The following HMGCLL1 variants were observed in gnomAD, a reference collection of about 807,000 sequenced individuals.
HMGCLL1 encodes 3-hydroxy-3-methylglutaryl-CoA lyase like 1.
HMGCLL1 carries 36 observed loss-of-function variants against 39.1 expected under a neutral mutation model. The ratio of observed to expected loss-of-function variants is 0.92; its 90% CI spans 0.71 to 1.22. The LOEUF (loss-of-function observed/expected upper bound fraction) is 1.22. Ranked by LOEUF, HMGCLL1 falls within the 50% of genes most tolerant of loss-of-function variation. The probability of loss-of-function intolerance (pLI) is 0.00; values close to 1 mark genes in which losing one functional copy is unlikely to be tolerated. For missense variants in HMGCLL1, 451 were observed against 416.5 expected, an observed-to-expected ratio of 1.08 and a Z score of -0.72; for synonymous variants, 149 against 144.0, an observed-to-expected ratio of 1.03 and a Z score of -0.25.
intron 1 of HMGCLL1, among the ~76,000 whole-genome samples, chr6:55,559,198 G>A (rs1770816958): frequency 1.3e-5 from 2 of 152,080 alleles, no homozygotes; most frequent in Admixed American, 6.6e-5. Context: ...CCACGAAAAC[G>A]TTTTGCTCCC....
rs1012347134 is a variant in HMGCLL1 at position 55,579,181 on chromosome 6, G to C, written c.-126C>G. 1.8e-5 allele frequency: 13 copies of C among 735,498 alleles called. No homozygotes were observed. The highest frequency in any genetic ancestry group is 3.0e-5 in the Non-Finnish European group (13 of 431,406). 45.6% of individuals were successfully genotyped at this position (735,498 alleles called of 1,614,324 possible). On this transcript the variant is annotated 5_prime_UTR_variant, in exon 1 of 9. Coordinates refer to ENST00000274901, the MANE Select transcript of HMGCLL1 (RefSeq NM_001042406.2). Reference sequence around the variant, plus strand: ...TCCGGTGCACTGGCTGTGAGGACCAGAGCTGTTCTGCGCACTGCGGCGGCG... The same window carrying C: ...TCCGGTGCACTGGCTGTGAGGACCACAGCTGTTCTGCGCACTGCGGCGGCG...
the HMGCLL1 span, among the ~76,000 whole-genome samples, chr6:55,659,351 A>C: frequency 6.6e-6 from 1 of 151,942 alleles, no homozygotes; most frequent in African/African-American, 2.4e-5. Flanking sequence ...TTCATTGGGT[A>C]TAGTCTCAAA....
chr6:55,611,068 C>A, the HMGCLL1 span, among the ~76,000 whole-genome samples: 1 of 152,106 alleles, frequency 6.6e-6, no homozygotes, highest in Non-Finnish European at 1.5e-5. Context: ...GTCTCTCAGA[C>A]CACAGTGTGA....
the HMGCLL1 span, among the ~76,000 whole-genome samples, chr6:55,601,816 A>G: frequency 6.6e-6 from 1 of 152,184 alleles, no homozygotes; most frequent in Non-Finnish European, 1.5e-5. Flanking sequence ...TGTTAATTTC[A>G]CATATTAAAT....
chr6:55,556,630 A>G (rs988022545), intron 1 of HMGCLL1, among the ~76,000 whole-genome samples: 1 of 152,158 alleles, frequency 6.6e-6, no homozygotes, highest in Non-Finnish European at 1.5e-5. Flanking sequence ...GGATGATATG[A>G]TCTGAGGTAC....
the HMGCLL1 span, among the ~76,000 whole-genome samples, chr6:55,623,797 C>T: frequency 6.6e-6 from 1 of 151,778 alleles, no homozygotes; most frequent in Non-Finnish European, 1.5e-5. Context: ...CACCATTTGG[C>T]CTTTCCCACC....
chr6:55,601,592 T>A, the HMGCLL1 span, among the ~76,000 whole-genome samples: 4 of 152,140 alleles, frequency 2.6e-5, no homozygotes, highest in Non-Finnish European at 4.4e-5. Context: ...TATAAATAAA[T>A]GTAGAATTGC....
chr6:55,567,884 T>C (rs1168007922), intron 1 of HMGCLL1, among the ~76,000 whole-genome samples: 1 of 152,184 alleles, frequency 6.6e-6, no homozygotes, highest in Non-Finnish European at 1.5e-5. Flanking sequence ...ATTAAAAATG[T>C]GTTTGGAACT....
intron 1 of HMGCLL1, chr6:55,577,065 T>C (rs1407182152): frequency 3.1e-6 from 5 of 1,613,038 alleles, no homozygotes; most frequent in Non-Finnish European, 4.2e-6. Flanking sequence ...TGATGGGGCA[T>C]CTGGATATTT....
intron 7 of HMGCLL1, among the ~76,000 whole-genome samples, chr6:55,460,127 C>A (rs893840298): frequency 6.6e-6 from 1 of 151,828 alleles, no homozygotes; most frequent in Non-Finnish European, 1.5e-5. Context: ...GGTTTTGAAC[C>A]ATCTAATGAA....
At chr6:55,651,653 G>C in the HMGCLL1 span, among the ~76,000 whole-genome samples, 1 of 152,004 alleles carries the variant, frequency 6.6e-6, no homozygotes, top group Non-Finnish European at 1.5e-5. Flanking sequence ...CTGGGACTAG[G>C]AGCTGCCTAG....
chr6:55,654,664 GCACT>G, the HMGCLL1 span, among the ~76,000 whole-genome samples: 1 of 151,806 alleles, frequency 6.6e-6, no homozygotes, highest in Non-Finnish European at 1.5e-5. Flanking sequence ...TCCTGATCAA[GCACT>G]TACTGTCCAA....
chr6:55,582,999 G>T (rs553918637), upstream of HMGCLL1, among the ~76,000 whole-genome samples: 1 of 151,972 alleles, frequency 6.6e-6, no homozygotes, highest in Non-Finnish European at 1.5e-5. Context: ...ACGAATCTTT[G>T]TATGTATAAT....
At chr6:55,537,301 C>A (rs1328352997) in intron 3 of HMGCLL1, among the ~76,000 whole-genome samples, 3 of 152,132 alleles carry the variant, frequency 2.0e-5, no homozygotes, top group Non-Finnish European at 2.9e-5. Context: ...TGGATTCAGG[C>A]ACACTGATCT....
At chr6:55,628,496 G>C in the HMGCLL1 span, among the ~76,000 whole-genome samples, 7 of 151,568 alleles carry the variant, frequency 4.6e-5, no homozygotes, top group East Asian at 1.2e-3. Flanking sequence ...TAGAGATGGG[G>C]TTTTGCCATG....
chr6:55,675,397 C>T, the HMGCLL1 span, among the ~76,000 whole-genome samples: 1 of 152,144 alleles, frequency 6.6e-6, no homozygotes, highest in African/African-American at 2.4e-5. Context: ...ACTAAAATTA[C>T]TATTATATGT....
the HMGCLL1 span, among the ~76,000 whole-genome samples, chr6:55,598,859 A>C: frequency 6.6e-6 from 1 of 152,192 alleles, no homozygotes; most frequent in East Asian, 1.9e-4. Context: ...TTATGTGTGC[A>C]TATTTGTACC....
At chr6:55,591,021 T>C in the HMGCLL1 span, among the ~76,000 whole-genome samples, 5 of 152,112 alleles carry the variant, frequency 3.3e-5, no homozygotes, top group African/African-American at 1.2e-4. Context: ...TGTCAAAGCC[T>C]TTGCTCTTTC....
At chr6:55,560,067 G>A (rs1374696702) in intron 1 of HMGCLL1, among the ~76,000 whole-genome samples, 4 of 152,062 alleles carry the variant, frequency 2.6e-5, no homozygotes, top group African/African-American at 7.2e-5. Flanking sequence ...GTGTCATTGG[G>A]CAAGATAAAT....
Sources: allele counts gnomAD v4.1 joint callset (sites outside exome capture counted in the v4.1 genomes callset), GRCh38; gene constraint gnomAD v4.1.1; transcripts MANE v1.5; gene names NCBI Gene and HGNC (gene_info 2026-07-23, HGNC 2026-07-21).